Variants in MLKL observed in about 807,000 individuals in gnomAD.
The protein encoded by MLKL is mixed lineage kinase domain like pseudokinase.
MLKL carries 55 observed loss-of-function variants against 56.5 expected under a neutral mutation model. The ratio of observed to expected loss-of-function variants is 0.97; its 90% CI spans 0.78 to 1.22. The LOEUF (loss-of-function observed/expected upper bound fraction) is 1.22, where lower values mean the gene tolerates loss of function less well. Ranked by LOEUF, MLKL falls within the 50% of genes most tolerant of loss-of-function variation. MLKL has a pLI of 0.00. For missense variants in MLKL, 694 were observed against 573.9 expected (o/e 1.21, Z -2.14); for synonymous variants, 251 against 208.3 (o/e 1.20, Z -1.76).
rs745650744 is a variant in MLKL at position 74,695,575 on chromosome 16, G to A, written c.183C>T (p.Ala61=). The A allele has an allele frequency of 1.4e-5, 22 of 1,614,088 alleles. No individual in the cohort carries two copies. Among genetic ancestry groups the A allele is most frequent in the Admixed American group, 6.7e-5 (4 of 60,010 alleles). The stretch of plus-strand genomic sequence containing the variant: ...CCAGGGCAGCCTTGAAGCGGTTCAT[G>A]GCTGTGGTTAACTTCTCAGAGGGCA... ...RSVPSEKLTT[A]MNRFKAALEE... is the part of the protein sequence containing the mutation. The change falls in exon 2 of 11, where the codon GCC becomes GCT. Residue 61 remains alanine, a synonymous_variant. Coordinates refer to ENST00000308807, the MANE Select transcript of MLKL (RefSeq NM_152649.4).
rs1393900418 is a variant in MLKL, at chr16:74,693,839, A to G, written c.461-1423T>C. ...AGGATGGTCTCAATCTCCTGACCTC[A>G]TGATCCGCCCGCCTCGGCCTCCCAA... On this transcript the variant is annotated intron_variant, in intron 2 of 10. Coordinates refer to ENST00000308807, the MANE Select transcript of MLKL (RefSeq NM_152649.4). Among the ~76,000 whole-genome samples, 4 of 151,966 alleles carry G rather than the reference A, an allele frequency of 2.6e-5. No individual in the cohort carries two copies. The East Asian group carries it at 5.8e-4, about 22-fold the overall frequency.
chr16:74,695,805 A>G, intron 1 of MLKL, 46 bp from the exon 2 acceptor site: 1 of 1,486,160 alleles, frequency 6.7e-7, no homozygotes. Context: ...AATCTCCTGC[A>G]TATTCACTAC....
intron 2 of MLKL, among the ~76,000 whole-genome samples, chr16:74,693,977 GT>G (rs1960858530): frequency 6.6e-6 from 1 of 152,134 alleles, no homozygotes; most frequent in Non-Finnish European, 1.5e-5. Context: ...GTATTGGGTT[GT>G]TTTTGAATTT....
rs1567620032 is a variant in MLKL at position 74,695,452 on chromosome 16, G to T, written c.306C>A (p.Asn102Lys). The change falls in exon 2 of 11, where the codon AAC (asparagine) becomes AAA (lysine). Residue 102 changes from asparagine to lysine, a missense_variant. Coordinates refer to ENST00000308807, the MANE Select transcript of MLKL (RefSeq NM_152649.4). ...CCTTCCAGACATCACTCAGCTTCCT[G>T]TTCACGTCCTTGAAGAGTATTTTGT... ...SQDKILFKDV[N>K]RKLSDVWKEL... The T allele has an allele frequency of 6.2e-7, 1 of 1,614,214 alleles. No individual in the cohort carries two copies. The highest frequency in any genetic ancestry group is 1.7e-5 in the Admixed American group (1 of 60,022).
chr16:74,672,473 C>A lies in MLKL; in HGVS notation c.*31G>T, dbSNP rs1262017826. The A allele has an allele frequency of 1.2e-6, 2 of 1,605,648 alleles. No homozygotes were observed. The highest frequency in any genetic ancestry group is 1.7e-6 in the Non-Finnish European group (2 of 1,172,914). ...GTTTGTGCCTCTCCCAGCTTCTTGT[C>A]CAGAGACTCCTTGGTTTAGATTTTG... On this transcript the variant is annotated 3_prime_UTR_variant, in exon 11 of 11. Transcript: ENST00000308807.
rs748545390 is a variant in MLKL at position 74,685,560 on chromosome 16, T to A, written c.746A>T (p.Lys249Met). The A allele has an allele frequency of 2.9e-5, 46 of 1,613,730 alleles. No individual in the cohort carries two copies. The highest frequency in any genetic ancestry group is 3.8e-5 in the Non-Finnish European group (45 of 1,179,754). ...SIAIVRQTFN[K>M]EIKTMKKFES... ...GAATTTCTTCATGGTTTTGATCTCCTTATTGAAAGTCTGCCTCACTATTCT... is the reference window on the plus strand; with the variant it reads ...GAATTTCTTCATGGTTTTGATCTCCATATTGAAAGTCTGCCTCACTATTCT... Residue 249 changes from lysine (K) to methionine (M), a missense_variant, in exon 5 of 11, where the codon AAG (lysine) becomes ATG (methionine). Lys to Met is a moderately conservative substitution (Grantham distance 95, BLOSUM62 -1). Transcript: ENST00000308807.
intron 5 of MLKL, among the ~76,000 whole-genome samples, chr16:74,683,570 A>T (rs1333172513): frequency 6.7e-6 from 1 of 148,244 alleles, no homozygotes; most frequent in Non-Finnish European, 1.5e-5. Context: ...CTCCAGCCTG[A>T]GTGACAGAAT....
At chr16:74,683,292 C>A (rs1211396211) in intron 5 of MLKL, among the ~76,000 whole-genome samples, 84 of 131,124 alleles carry the variant, frequency 6.4e-4, no homozygotes, top group Middle Eastern at 3.9e-3. Context: ...CACTACATCT[C>A]AAAAAAAAAA....
chr16:74,681,749 G>C (rs902774776), intron 6 of MLKL, among the ~76,000 whole-genome samples: 1 of 151,604 alleles, frequency 6.6e-6, no homozygotes, highest in Non-Finnish European at 1.5e-5. Flanking sequence ...AGCCGAGATC[G>C]TGCCACTGCA....
In MLKL at chr16:74,695,323, C is replaced by CCTGT. The variant is rs1960960065; in HGVS notation, c.431_434dup (p.Arg146GlnfsTer11). The stretch of plus-strand genomic sequence containing the variant: ...CTCTTCTTAGCATCTGGAAAGCTCG[C>CCTGT]CTGTCTTCGTCTGCATCCTGCTGAT... On this transcript the variant is annotated frameshift_variant, in exon 2 of 11. Transcript: ENST00000308807. LOFTEE classifies it high-confidence loss of function. 1 of 1,613,888 alleles carries CCTGT rather than the reference C, an allele frequency of 6.2e-7. No individual in the cohort carries two copies. The highest frequency in any genetic ancestry group is 1.3e-5 in the African/African-American group (1 of 74,940).
chr16:74,691,548 TG>T, intron 3 of MLKL, 85 bp from the exon 4 acceptor site: 1 of 1,416,414 alleles, frequency 7.1e-7, no homozygotes, highest in African/African-American at 1.4e-5. Context: ...ATTTGTGATG[TG>T]TGAGTGGGAA....
At chr16:74,687,972 C>T (rs141659043) in intron 4 of MLKL, among the ~76,000 whole-genome samples, 1 of 152,240 alleles carries the variant, frequency 6.6e-6, no homozygotes, top group Non-Finnish European at 1.5e-5. Flanking sequence ...ACTACAGGTG[C>T]CCGCCACCAC....
Position 74,675,930 on chromosome 16 carries a change from G to A in MLKL, c.1039-166C>T, listed in dbSNP as rs1334778627. ...TGGCTACTTTATTGGTTAACATTAT[G>A]GGTTCAACTTATCACAGTGCAGTGA... On this transcript the variant is annotated intron_variant, in intron 7 of 10. Coordinates refer to ENST00000308807, the MANE Select transcript of MLKL (RefSeq NM_152649.4). The A allele has an allele frequency of 2.1e-5, 15 of 709,340 alleles. No individual in the cohort carries two copies. The East Asian group carries it at 2.7e-4, about 13-fold the overall frequency. 43.9% of individuals were successfully genotyped at this position (709,340 alleles called of 1,614,324 possible).
At chr16:74,694,931 G>A (rs1458346253) in intron 2 of MLKL, among the ~76,000 whole-genome samples, 1 of 152,152 alleles carries the variant, frequency 6.6e-6, no homozygotes, top group Non-Finnish European at 1.5e-5. Flanking sequence ...GGAGTGCAGT[G>A]GCGCGATCTC....
At chr16:74,674,123 T>G (rs1959422165) in intron 10 of MLKL, among the ~76,000 whole-genome samples, 1 of 151,932 alleles carries the variant, frequency 6.6e-6, no homozygotes, top group Non-Finnish European at 1.5e-5. Context: ...TGTGGTGGGC[T>G]GTCCTATGCG....
At chr16:74,684,323 GA>G (rs1960182713) in intron 5 of MLKL, among the ~76,000 whole-genome samples, 1 of 150,308 alleles carries the variant, frequency 6.7e-6, no homozygotes, top group Non-Finnish European at 1.5e-5. Context: ...TTCCAAAGGG[GA>G]TAAGACAGGA....
At chr16:74,699,933 C>T (rs564790028) in intron 1 of MLKL, among the ~76,000 whole-genome samples, 6 of 151,982 alleles carry the variant, frequency 3.9e-5, no homozygotes, top group Non-Finnish European at 7.4e-5. Context: ...CAGAGGAAGA[C>T]TCCATCTCTC....
At chr16:74,696,253 T>C (rs1257349892) in intron 1 of MLKL, among the ~76,000 whole-genome samples, 3 of 152,200 alleles carry the variant, frequency 2.0e-5, no homozygotes, top group Non-Finnish European at 4.4e-5. Flanking sequence ...AAACTTGTAT[T>C]GCATGTAAAC....
At chr16:74,682,921 C>T in intron 5 of MLKL, 135 bp from the exon 6 acceptor site, 1 of 1,091,232 alleles carries the variant, frequency 9.2e-7, no homozygotes, top group East Asian at 2.6e-5. Flanking sequence ...AATCCTCAGC[C>T]CACAGTTTTG....
Sources: allele counts gnomAD v4.1 joint callset (sites outside exome capture counted in the v4.1 genomes callset), GRCh38; gene constraint gnomAD v4.1.1; transcripts MANE v1.5; gene names NCBI Gene and HGNC (gene_info 2026-07-23, HGNC 2026-07-21).